Variants in AGMO observed in about 807,000 individuals in gnomAD.
AGMO encodes the protein glyceryl-ether monooxygenase.
AGMO carries 75 observed loss-of-function variants against 60.2 expected under a neutral mutation model. The ratio of observed to expected loss-of-function variants is 1.25; its 90% CI spans 1.03 to 1.51. The LOEUF (loss-of-function observed/expected upper bound fraction) is 1.51, where lower values mean the gene tolerates loss of function less well. Among genes scored for constraint, AGMO ranks in the 40% most tolerant of loss-of-function variants. AGMO has a pLI of 0.00. For missense variants in AGMO, 763 were observed against 525.5 expected, an observed-to-expected ratio of 1.45 and a Z score of -4.42; for synonymous variants, 261 against 177.1, an observed-to-expected ratio of 1.47 and a Z score of -3.76.
chr7:15,207,504 G>T (rs1302013819), intron 12 of AGMO, among the ~76,000 whole-genome samples: 1 of 151,940 alleles, frequency 6.6e-6, no homozygotes. Context: ...TATTTACATT[G>T]TTTTCCTGGA....
At chr7:15,354,492 A>ATATACG (rs1782434295) in intron 12 of AGMO, among the ~76,000 whole-genome samples, 5 of 21,704 alleles carry the variant, frequency 2.3e-4, no homozygotes, top group Admixed American at 5.1e-4. Flanking sequence ...GTATATACAC[A>ATATACG]CGTGTATATA....
rs188253614 is a variant in AGMO, at chr7:15,365,994, T to G, written c.1157+146A>C. ...TAGGAGAACTGATATAGTTAACTTC[T>G]CTAAAATAATGAGAAGTCAAATACC... On this transcript the variant is annotated intron_variant, in intron 11 of 12. Transcript: ENST00000342526. 1,327 of 588,664 alleles carry G rather than the reference T, an allele frequency of 2.3e-3. 4 individuals carry two copies. The highest frequency in any genetic ancestry group is 3.5e-3 in the Admixed American group (103 of 29,304). 36.5% of individuals were successfully genotyped at this position (588,664 alleles called of 1,614,324 possible).
chr7:15,294,189 A>G (rs1030650658), intron 12 of AGMO, among the ~76,000 whole-genome samples: 2 of 152,094 alleles, frequency 1.3e-5, no homozygotes, highest in African/African-American at 4.8e-5. Context: ...GCATTTAATC[A>G]TAGTGGAATA....
intron 12 of AGMO, among the ~76,000 whole-genome samples, chr7:15,271,877 G>A (rs1783621739): frequency 6.6e-6 from 1 of 152,126 alleles, no homozygotes; most frequent in South Asian, 2.1e-4. Context: ...TTAACAAAAA[G>A]GATGCCAAAT....
In AGMO at chr7:15,529,469, G is replaced by T. The variant is rs114976975; in HGVS notation, c.409+15303C>A. ...CAAAAAAAACAACAATTAAGCTCAG[G>T]TTCTACCCCCTAGAGATTCTAAGAT... On this transcript the variant is annotated intron_variant, in intron 3 of 12. Coordinates refer to ENST00000342526, the MANE Select transcript of AGMO (RefSeq NM_001004320.2). Among the ~76,000 whole-genome samples the T allele has an allele frequency of 2.7e-3, 381 of 140,928 alleles. 2 individuals are homozygous for T. Among genetic ancestry groups the T allele is most frequent in the African/African-American group, 9.5e-3 (361 of 37,974 alleles). The allele number at this position is 140,928 out of a possible 152,430, so 92.5% of individuals were successfully genotyped here.
intron 12 of AGMO, among the ~76,000 whole-genome samples, chr7:15,331,858 A>C (rs1316583242): frequency 6.6e-6 from 1 of 151,880 alleles, no homozygotes; most frequent in Non-Finnish European, 1.5e-5. Context: ...CCTGGGAGGG[A>C]GAGGTTGCAG....
intron 12 of AGMO, among the ~76,000 whole-genome samples, chr7:15,351,512 C>G (rs1782242220): frequency 1.3e-5 from 2 of 152,000 alleles, no homozygotes; most frequent in African/African-American, 4.8e-5. Flanking sequence ...TGATTTTTAG[C>G]CAGCAGAAGA....
At chr7:15,346,476 ATCT>A (rs964212234) in intron 12 of AGMO, among the ~76,000 whole-genome samples, 5 of 152,022 alleles carry the variant, frequency 3.3e-5, no homozygotes, top group African/African-American at 4.8e-5. Flanking sequence ...CCATTATTTA[ATCT>A]TTTTTCATTA....
chr7:15,190,677 T>C, the AGMO span, among the ~76,000 whole-genome samples: 4 of 152,182 alleles, frequency 2.6e-5, no homozygotes, highest in Non-Finnish European at 5.9e-5. Context: ...AATAAAACCT[T>C]ATTAATTCAT....
At chr7:15,272,638 T>G (rs1783650646) in intron 12 of AGMO, among the ~76,000 whole-genome samples, 1 of 152,156 alleles carries the variant, frequency 6.6e-6, no homozygotes, top group East Asian at 1.9e-4. Flanking sequence ...CCTTTGGGTA[T>G]ATACCCAGTA....
intron 3 of AGMO, among the ~76,000 whole-genome samples, chr7:15,480,050 G>C (rs908610679): frequency 6.6e-6 from 1 of 152,144 alleles, no homozygotes; most frequent in Admixed American, 6.6e-5. Context: ...GAGAAGGTGA[G>C]ACAGCGGGGT....
intron 2 of AGMO, among the ~76,000 whole-genome samples, chr7:15,553,604 AATAT>A (rs1425200204): frequency 2.6e-5 from 4 of 152,058 alleles, no homozygotes; most frequent in Non-Finnish European, 4.4e-5. Context: ...TTTTTAAAAA[AATAT>A]GCTATCTTTC....
intron 3 of AGMO, among the ~76,000 whole-genome samples, chr7:15,514,237 G>A (rs1047998293): frequency 2.6e-5 from 4 of 152,080 alleles, no homozygotes; most frequent in African/African-American, 7.2e-5. Flanking sequence ...GGCTTAGCCC[G>A]CTTTTCTTTT....
intron 4 of AGMO, among the ~76,000 whole-genome samples, chr7:15,429,455 A>G (rs1244770225): frequency 1.3e-5 from 2 of 151,084 alleles, no homozygotes; most frequent in Non-Finnish European, 2.9e-5. Flanking sequence ...AAACTAAGAG[A>G]GAGAACCAGA....
chr7:15,354,480 GTGTATATACACACGTGTATATATATATA>G lies in AGMO; in HGVS notation c.1263+11006_1263+11033del, dbSNP rs1563105858. Among the ~76,000 whole-genome samples, 129 of 17,326 alleles carry G rather than the reference GTGTATATACACACGTGTATATATATATA, an allele frequency of 7.4e-3. 1 individual carries two copies. The highest frequency in any genetic ancestry group is 8.7e-3 in the Admixed American group (13 of 1,498). The allele number at this position is 17,326 out of a possible 152,430, so 11.4% of individuals were successfully genotyped here. On this transcript the variant is annotated intron_variant, in intron 12 of 12. Transcript: ENST00000342526. ...TACACACGTGTGTGTATACACACGTGTGTATATACACACGTGTATATATATATATATATATATATATATATATATATAT... is the reference window on the plus strand; with the variant it reads ...TACACACGTGTGTGTATACACACGTGTATATATATATATATATATATATAT...
the AGMO span, among the ~76,000 whole-genome samples, chr7:15,182,151 C>T: frequency 3.3e-5 from 5 of 152,066 alleles, no homozygotes; most frequent in Admixed American, 1.3e-4. Flanking sequence ...ATAGAGTCAT[C>T]AAATTTATTA....
rs529025144 is a variant in AGMO at position 15,392,317 on chromosome 7, G to A, written c.677-1412C>T. ...GTCTTATCTCCTGACCTCGTGATCC[G>A]CGATCCGCCTCCCAAAGTGTTGGGA... is the stretch of plus-strand genomic sequence containing the variant. On this transcript the variant is annotated intron_variant, in intron 6 of 12. Coordinates refer to ENST00000342526, the MANE Select transcript of AGMO (RefSeq NM_001004320.2). 2.9e-3 allele frequency among the ~76,000 whole-genome samples: 434 copies of A among 150,874 alleles called. 1 individual carries two copies. The highest frequency in any genetic ancestry group is 6.8e-3 in the Middle Eastern group (2 of 294).
chr7:15,301,055 T>A (rs1258234526), intron 12 of AGMO, among the ~76,000 whole-genome samples: 1 of 152,200 alleles, frequency 6.6e-6, no homozygotes, highest in African/African-American at 2.4e-5. Context: ...AAAACAATCA[T>A]ACATTTAAGA....
intron 3 of AGMO, among the ~76,000 whole-genome samples, chr7:15,470,093 AG>A (rs1782409865): frequency 6.6e-6 from 1 of 152,078 alleles, no homozygotes; most frequent in Non-Finnish European, 1.5e-5. Context: ...GAGAGAGGGT[AG>A]TCAAGATGTA....
Sources: allele counts gnomAD v4.1 joint callset (sites outside exome capture counted in the v4.1 genomes callset), GRCh38; gene constraint gnomAD v4.1.1; transcripts MANE v1.5; gene names NCBI Gene and HGNC (gene_info 2026-07-23, HGNC 2026-07-21).